Variants in ANKS1B observed in about 807,000 individuals in gnomAD.
ANKS1B encodes the protein ankyrin repeat and sterile alpha motif domain containing 1B, also known as ankyrin repeat and sterile alpha motif domain-containing protein 1B.
Under a neutral mutation model 148.3 loss-of-function variants are expected in ANKS1B, and 36 were observed. The ratio of observed to expected loss-of-function variants is 0.24; its 90% CI spans 0.19 to 0.32. The LOEUF (loss-of-function observed/expected upper bound fraction) is 0.32. Ranked by LOEUF, ANKS1B falls within the 10% of genes least tolerant of loss-of-function variation. The probability of loss-of-function intolerance (pLI) is 1.00; values close to 1 mark genes in which losing one functional copy is unlikely to be tolerated. For synonymous variants in ANKS1B, 542 were observed against 560.8 expected (o/e 0.97, Z 0.47); for missense variants, 1,157 against 1,542.6 (o/e 0.75, Z 4.19).
intron 12 of ANKS1B, among the ~76,000 whole-genome samples, chr12:99,250,059 G>A (rs1343611162): frequency 2.0e-5 from 3 of 152,220 alleles, no homozygotes; most frequent in Non-Finnish European, 4.4e-5. Context: ...GGAACTACCA[G>A]GGTCCATCAG....
At chr12:99,530,350 C>G (rs948520159) in intron 9 of ANKS1B, among the ~76,000 whole-genome samples, 3 of 152,294 alleles carry the variant, frequency 2.0e-5, no homozygotes, top group Non-Finnish European at 2.9e-5. Context: ...ACCTTACATA[C>G]TTTCTGCAGG....
chr12:99,341,492 C>A (rs556286409), intron 12 of ANKS1B, among the ~76,000 whole-genome samples: 1 of 152,232 alleles, frequency 6.6e-6, no homozygotes, highest in African/African-American at 2.4e-5. Context: ...CCTAAAGAAC[C>A]AGACATCTCT....
intron 25 of ANKS1B, among the ~76,000 whole-genome samples, chr12:98,753,434 C>T (rs1198354205): frequency 6.6e-6 from 1 of 150,410 alleles, no homozygotes; most frequent in Non-Finnish European, 1.5e-5. Flanking sequence ...TTTCTTTTTT[C>T]TTTTTTTTTT....
At chr12:99,739,128 C>T (rs1284176878) in intron 8 of ANKS1B, among the ~76,000 whole-genome samples, 1 of 151,948 alleles carries the variant, frequency 6.6e-6, no homozygotes, top group Non-Finnish European at 1.5e-5. Flanking sequence ...CATCTCCTAA[C>T]TTTCACAACC....
At chr12:99,353,559 A>G (rs2091665039) in intron 12 of ANKS1B, among the ~76,000 whole-genome samples, 1 of 152,074 alleles carries the variant, frequency 6.6e-6, no homozygotes. Context: ...AGCATAAATT[A>G]TAACTCTGGT....
At chr12:99,888,663 T>C (rs368735071) in intron 1 of ANKS1B, among the ~76,000 whole-genome samples, 5 of 152,264 alleles carry the variant, frequency 3.3e-5, no homozygotes, top group South Asian at 2.1e-4. Context: ...CTACTTTCAC[T>C]AACATAAATG....
At chr12:99,262,560 T>C (rs2153983195) in intron 12 of ANKS1B, among the ~76,000 whole-genome samples, 1 of 152,178 alleles carries the variant, frequency 6.6e-6, no homozygotes, top group Non-Finnish European at 1.5e-5. Flanking sequence ...AGAAAGACAC[T>C]CATAATTCCA....
At chr12:99,795,189 G>A (rs1174582816) in intron 4 of ANKS1B, among the ~76,000 whole-genome samples, 1 of 151,578 alleles carries the variant, frequency 6.6e-6, no homozygotes, top group Non-Finnish European at 1.5e-5. Context: ...GGACCAGCAA[G>A]CAAGATAAAT....
chr12:99,026,951 A>T lies in ANKS1B; in HGVS notation c.2778+26206T>A, dbSNP rs1450564688. Among the ~76,000 whole-genome samples the T allele has an allele frequency of 2.6e-5, 4 of 152,236 alleles. No individual in the cohort carries two copies. In the East Asian group the frequency reaches 5.8e-4, roughly 22 times the overall value. ...ATCTATCAGGCCTGTAGTTAAAGAA[A>T]TGCGGGGATGAATCCTTTTGTAAAG... On this transcript the variant is annotated intron_variant, in intron 17 of 26. Coordinates refer to ENST00000683438, the MANE Select transcript of ANKS1B (RefSeq NM_001352186.2).
At chr12:99,456,954 C>T (rs182689965) in intron 10 of ANKS1B, among the ~76,000 whole-genome samples, 1 of 152,156 alleles carries the variant, frequency 6.6e-6, no homozygotes, top group East Asian at 1.9e-4. Context: ...AAGATCATCG[C>T]CTAGGCACCT....
chr12:99,558,129 A>G (rs537936959), intron 9 of ANKS1B, among the ~76,000 whole-genome samples: 2 of 152,296 alleles, frequency 1.3e-5, no homozygotes, highest in South Asian at 4.1e-4. Flanking sequence ...ATCTGTGCTC[A>G]CTCATTCATG....
chr12:99,882,437 C>T (rs2092573734), intron 1 of ANKS1B, among the ~76,000 whole-genome samples: 1 of 152,116 alleles, frequency 6.6e-6, no homozygotes, highest in South Asian at 2.1e-4. Context: ...AAAGAATAAA[C>T]CCCAAAATAC....
intron 16 of ANKS1B, among the ~76,000 whole-genome samples, chr12:99,066,675 G>A (rs2044450377): frequency 6.6e-6 from 1 of 152,198 alleles, no homozygotes; most frequent in African/African-American, 2.4e-5. Flanking sequence ...TTCAGAGGCT[G>A]TGGAAGTAAT....
At chr12:99,823,035 C>T (rs1255311361) in intron 2 of ANKS1B, among the ~76,000 whole-genome samples, 5 of 152,038 alleles carry the variant, frequency 3.3e-5, no homozygotes, top group East Asian at 1.9e-4. Context: ...ATTTCTCTGA[C>T]GATTAGTGAT....
intron 8 of ANKS1B, among the ~76,000 whole-genome samples, chr12:99,713,243 G>A (rs1184954348): frequency 1.3e-5 from 2 of 152,050 alleles, no homozygotes. Context: ...TTAAAATACT[G>A]ACCTTATCTA....
intron 17 of ANKS1B, among the ~76,000 whole-genome samples, chr12:98,834,708 T>C (rs2099352144): frequency 6.6e-6 from 1 of 152,186 alleles, no homozygotes; most frequent in Non-Finnish European, 1.5e-5. Flanking sequence ...TATGTATTCC[T>C]TTCAGATGAT....
At chr12:98,837,150 T>C (rs1595093553) in intron 17 of ANKS1B, among the ~76,000 whole-genome samples, 1 of 146,032 alleles carries the variant, frequency 6.8e-6, no homozygotes, top group East Asian at 2.1e-4. Context: ...GCTAACACAG[T>C]GAAACCCCGT....
intron 10 of ANKS1B, among the ~76,000 whole-genome samples, chr12:99,488,402 G>C (rs971152744): frequency 1.3e-5 from 2 of 151,844 alleles, no homozygotes; most frequent in Non-Finnish European, 2.9e-5. Flanking sequence ...ATAAATTGTT[G>C]CTTTATTCTT....
chr12:99,871,361 T>A (rs2091492357), intron 1 of ANKS1B, among the ~76,000 whole-genome samples: 1 of 152,228 alleles, frequency 6.6e-6, no homozygotes, highest in South Asian at 2.1e-4. Context: ...CTGGCTTTGT[T>A]CTTTTTGCTT....
Sources: allele counts gnomAD v4.1 joint callset (sites outside exome capture counted in the v4.1 genomes callset), GRCh38; gene constraint gnomAD v4.1.1; transcripts MANE v1.5; gene names NCBI Gene and HGNC (gene_info 2026-07-23, HGNC 2026-07-21).